The following PPP1R9A variants were observed in gnomAD, a reference collection of about 807,000 sequenced individuals.
The protein encoded by PPP1R9A is neurabin-1.
Under a neutral mutation model 141.9 loss-of-function variants are expected in PPP1R9A, and 59 were observed. That is an observed-to-expected ratio of 0.42 (90% CI 0.34 to 0.52). The LOEUF (loss-of-function observed/expected upper bound fraction) is 0.52, where lower values mean the gene tolerates loss of function less well. PPP1R9A is among the 20% of genes least tolerant of loss of function. The pLI is 0.10. For synonymous variants in PPP1R9A, 500 were observed against 569.7 expected (o/e 0.88, Z 1.74); for missense variants, 1,444 against 1,611.9 (o/e 0.90, Z 1.78).
Position 95,118,087 on chromosome 7 carries a change from C to T in PPP1R9A, c.1529-2625C>T, listed in dbSNP as rs186252056. Among the ~76,000 whole-genome samples, 661 of 152,236 alleles carry T rather than the reference C, an allele frequency of 4.3e-3. 4 individuals are homozygous for T. Among genetic ancestry groups the T allele is most frequent in the Non-Finnish European group, 7.2e-3 (491 of 68,012 alleles). On this transcript the variant is annotated intron_variant, in intron 3 of 19. Coordinates refer to ENST00000433360, the MANE Select transcript of PPP1R9A (RefSeq NM_001166160.2). ...CAATAAGAATTCAGCTATCCGCTAA[C>T]CTTATACACACAAGAGAATTCATGG...
intron 4 of PPP1R9A, among the ~76,000 whole-genome samples, chr7:95,158,675 A>C (rs1342457857): frequency 6.6e-6 from 1 of 152,222 alleles, no homozygotes; most frequent in Non-Finnish European, 1.5e-5. Flanking sequence ...GGGTGAAAGT[A>C]TTTGCAATAT....
At chr7:95,241,121 T>G (rs572150926) in intron 8 of PPP1R9A, among the ~76,000 whole-genome samples, 2 of 152,264 alleles carry the variant, frequency 1.3e-5, no homozygotes, top group South Asian at 4.1e-4. Flanking sequence ...CACACAGTTC[T>G]CTAAGTTAAA....
rs954274645 is a variant in PPP1R9A, at chr7:95,188,576, G to C, written c.1755-9773G>C. Among the ~76,000 whole-genome samples, 8 of 149,832 alleles carry C rather than the reference G, an allele frequency of 5.3e-5. No individual in the cohort carries two copies. In the Admixed American group the frequency reaches 5.4e-4, roughly 10 times the overall value. On this transcript the variant is annotated intron_variant, in intron 5 of 19. Coordinates refer to ENST00000433360, the MANE Select transcript of PPP1R9A (RefSeq NM_001166160.2). ...TGTTTGTTTGTTTTTGTTTGTGTGT[G>C]TGTGTGTGTCTGTGTTGTGTTTTGT...
chr7:95,179,756 T>A, intron 5 of PPP1R9A, among the ~76,000 whole-genome samples: 1 of 99,854 alleles, frequency 1.0e-5, no homozygotes, highest in Non-Finnish European at 2.0e-5. Context: ...AATCAAGAAC[T>A]CAACCCCTTT....
chr7:95,020,608 C>T (rs1019505642), intron 2 of PPP1R9A, among the ~76,000 whole-genome samples: 1 of 152,118 alleles, frequency 6.6e-6, no homozygotes, highest in African/African-American at 2.4e-5. Flanking sequence ...CTATCCCTCC[C>T]CTAGCCACCA....
chr7:95,013,036 C>G (rs147488987), intron 2 of PPP1R9A, among the ~76,000 whole-genome samples: 1 of 152,134 alleles, frequency 6.6e-6, no homozygotes, highest in Non-Finnish European at 1.5e-5. Context: ...TTGTTGTGGA[C>G]CCCTTTGAAT....
At position 95,225,996 on chromosome 7, in the gene PPP1R9A, G is replaced by GGT; in HGVS notation, c.1993_1994dup (p.Gly666Ter). ...ATGCCACAGATGAAGAAGAAGATGA[G>GGT]GTAGGACCTGTCCTTCCTGGCAGCG... On this transcript the variant is annotated frameshift_variant, in exon 8 of 20. Transcript: ENST00000433360. LOFTEE classifies it high-confidence loss of function. 1 of 1,613,092 alleles carries GGT rather than the reference G, an allele frequency of 6.2e-7. No homozygotes were observed. The highest frequency in any genetic ancestry group is 8.5e-7 in the Non-Finnish European group (1 of 1,179,344).
chr7:95,042,324 A>G (rs1469372450), intron 2 of PPP1R9A, among the ~76,000 whole-genome samples: 7 of 152,232 alleles, frequency 4.6e-5, no homozygotes, highest in African/African-American at 1.2e-4. Flanking sequence ...TACACAACCT[A>G]AAATTCCTAC....
chr7:95,186,885 T>G (rs1834734909), intron 5 of PPP1R9A, among the ~76,000 whole-genome samples: 1 of 152,204 alleles, frequency 6.6e-6, no homozygotes. Flanking sequence ...GGATTATCTT[T>G]TTGATATGCT....
intron 2 of PPP1R9A, among the ~76,000 whole-genome samples, chr7:95,015,953 T>G (rs1805046270): frequency 6.6e-6 from 1 of 152,060 alleles, no homozygotes; most frequent in Non-Finnish European, 1.5e-5. Flanking sequence ...CTCAGGAGAC[T>G]GAGGCAAGAA....
rs928674379 is a variant in PPP1R9A at position 95,082,771 on chromosome 7, T to C, written c.1396-28488T>C. Among the ~76,000 whole-genome samples the C allele has an allele frequency of 8.0e-4, 109 of 136,208 alleles. 2 individuals carry two copies. Among genetic ancestry groups the C allele is most frequent in the Admixed American group, 6.3e-3 (90 of 14,202 alleles). The allele number at this position is 136,208 out of a possible 152,430, so 89.4% of individuals were successfully genotyped here. A position where few individuals can be genotyped will look rare whatever the true frequency, so the allele number is the denominator to read the frequency against. On this transcript the variant is annotated intron_variant, in intron 2 of 19. Coordinates refer to ENST00000433360, the MANE Select transcript of PPP1R9A (RefSeq NM_001166160.2). ...GTGTAGGGTGGAAGGGATTTCTTTT[T>C]TTTTTTTTTTTTTTTTTTGAGACGG...
At chr7:95,196,633 C>G (rs373160799) in intron 5 of PPP1R9A, among the ~76,000 whole-genome samples, 10 of 152,094 alleles carry the variant, frequency 6.6e-5, no homozygotes, top group African/African-American at 2.4e-4. Context: ...TAAAAAAGAG[C>G]AAATAACTGA....
At chr7:95,006,885 G>A (rs993632421) in intron 2 of PPP1R9A, among the ~76,000 whole-genome samples, 3 of 149,734 alleles carry the variant, frequency 2.0e-5, no homozygotes, top group Non-Finnish European at 4.4e-5. Context: ...TTTGAGAGAC[G>A]GAGTTTCGCG....
chr7:94,961,307 T>C (rs1197975222), intron 2 of PPP1R9A, among the ~76,000 whole-genome samples: 5 of 151,640 alleles, frequency 3.3e-5, no homozygotes, highest in African/African-American at 1.2e-4. Flanking sequence ...GTATTGAATG[T>C]TTTGTGCTTT....
chr7:94,984,805 TG>T (rs1251579265), intron 2 of PPP1R9A, among the ~76,000 whole-genome samples: 3 of 152,186 alleles, frequency 2.0e-5, no homozygotes, highest in Non-Finnish European at 2.9e-5. Context: ...TTGATTTTTT[TG>T]AAGGGTTTTT....
At chr7:95,002,518 T>C (rs1368550728) in intron 2 of PPP1R9A, among the ~76,000 whole-genome samples, 2 of 152,082 alleles carry the variant, frequency 1.3e-5, no homozygotes, top group Non-Finnish European at 2.9e-5. Flanking sequence ...AGGGATTCCT[T>C]TTAGGGAGGT....
intron 2 of PPP1R9A, among the ~76,000 whole-genome samples, chr7:94,931,978 A>G (rs1794219780): frequency 1.3e-5 from 2 of 152,112 alleles, no homozygotes; most frequent in Non-Finnish European, 2.9e-5. Flanking sequence ...TTCTTCAGTG[A>G]ATTTTTGTTG....
intron 7 of PPP1R9A, among the ~76,000 whole-genome samples, chr7:95,204,446 A>G (rs910356715): frequency 6.6e-6 from 1 of 152,132 alleles, no homozygotes; most frequent in African/African-American, 2.4e-5. Flanking sequence ...AAATCATTAA[A>G]TTTAATTATA....
intron 8 of PPP1R9A, among the ~76,000 whole-genome samples, chr7:95,239,526 C>A (rs376171642): frequency 6.6e-6 from 1 of 151,754 alleles, no homozygotes; most frequent in Non-Finnish European, 1.5e-5. Flanking sequence ...TGCCATTGCA[C>A]CCCAATCTTT....
Sources: gnomAD v4.1 joint callset for allele counts (sites outside exome capture counted in the v4.1 genomes callset) on GRCh38, gnomAD v4.1.1 for gene constraint, MANE v1.5 for transcripts, NCBI Gene and HGNC (gene_info 2026-07-23, HGNC 2026-07-21) for gene names.